Variants in SNX13 observed in about 807,000 individuals in gnomAD.
The protein encoded by SNX13 is sorting nexin-13.
SNX13 carries 45 observed loss-of-function variants against 133.6 expected under a neutral mutation model. That is an observed-to-expected ratio of 0.34 (90% confidence interval 0.27 to 0.43). The LOEUF (loss-of-function observed/expected upper bound fraction) is 0.43, where lower values mean the gene tolerates loss of function less well. Among genes scored for constraint, SNX13 ranks in the 20% least tolerant of loss-of-function variants. SNX13 has a pLI of 1.00. For missense variants in SNX13, 1,032 were observed against 1,145.1 expected, an observed-to-expected ratio of 0.90 and a Z score of 1.43; for synonymous variants, 414 against 373.9, an observed-to-expected ratio of 1.11 and a Z score of -1.24.
chr7:17,837,895 T>C (rs114215620), intron 13 of SNX13, among the ~76,000 whole-genome samples: 9 of 151,984 alleles, frequency 5.9e-5, no homozygotes, highest in African/African-American at 2.2e-4. Flanking sequence ...TTGCTCACTA[T>C]ATGAGTTTTT....
At chr7:17,878,652 GCAGT>G (rs1795003873) in intron 5 of SNX13, among the ~76,000 whole-genome samples, 1 of 152,006 alleles carries the variant, frequency 6.6e-6, no homozygotes, top group African/African-American at 2.4e-5. Flanking sequence ...TTTCCATAAA[GCAGT>G]CAAATTTTTA....
At chr7:17,845,126 G>A (rs963954719) in intron 12 of SNX13, among the ~76,000 whole-genome samples, 1 of 148,126 alleles carries the variant, frequency 6.8e-6, no homozygotes. Context: ...GAAGAGGTAA[G>A]GGGAGAAGCA....
At position 17,839,846 on chromosome 7, in the gene SNX13, T is replaced by A; in HGVS notation, c.1320A>T (p.Ala440=). 3.7e-6 allele frequency: 6 copies of A among 1,610,980 alleles called. No homozygotes were observed. Among genetic ancestry groups the A allele is most frequent in the Non-Finnish European group, 5.1e-6 (6 of 1,178,168 alleles). ...QTNQTKGLLR[A]AAVGIYEQYL... is the part of the protein sequence containing the mutation. ...ACTGTTCATAAATTCCAACAGCAGC[T>A]GCTCTTAAAAGACCTTTGGTTTGGT... The change falls in exon 13 of 26, where the codon GCA becomes GCT. Residue 440 remains alanine (A), a synonymous_variant. Coordinates refer to ENST00000428135, the MANE Select transcript of SNX13 (RefSeq NM_015132.5).
chr7:17,835,657 A>G (rs1789049903), intron 13 of SNX13, among the ~76,000 whole-genome samples: 1 of 152,012 alleles, frequency 6.6e-6, no homozygotes, highest in South Asian at 2.1e-4. Flanking sequence ...ATTTAGAGAA[A>G]CTAACAAAAA....
At position 17,940,402 on chromosome 7, in the gene SNX13, T is replaced by A. The variant is rs1456431280; in HGVS notation, c.-107A>T. ...GCCGCCAACGGCGGCAACTGCTCCT[T>A]CAGTCTTCTCCCGGGCGGCGGTTTT... is the stretch of plus-strand genomic sequence containing the variant. On this transcript the variant is annotated 5_prime_UTR_variant, in exon 1 of 26. An upstream open reading frame in the 5' UTR gains an earlier in-frame stop. Coordinates refer to ENST00000428135, the MANE Select transcript of SNX13 (RefSeq NM_015132.5). 2.3e-6 allele frequency: 3 copies of A among 1,302,790 alleles called. No homozygotes were observed. Among genetic ancestry groups the A allele is most frequent in the Non-Finnish European group, 3.2e-6 (3 of 925,112 alleles). The allele number at this position is 1,302,790 out of a possible 1,614,324, so 80.7% of individuals were successfully genotyped here.
intron 1 of SNX13, among the ~76,000 whole-genome samples, chr7:17,938,807 T>C (rs1252558204): frequency 6.6e-6 from 1 of 152,214 alleles, no homozygotes; most frequent in Non-Finnish European, 1.5e-5. Context: ...TATTACACAT[T>C]AGAGACAACA....
At chr7:17,867,246 TTAA>T (rs1413563653) in intron 9 of SNX13, among the ~76,000 whole-genome samples, 1 of 152,038 alleles carries the variant, frequency 6.6e-6, no homozygotes, top group Non-Finnish European at 1.5e-5. Context: ...AAGTACACAA[TTAA>T]TAACAACTTT....
chr7:17,796,521 A>C (rs1270400758), intron 25 of SNX13: 11 of 232,972 alleles, frequency 4.7e-5, no homozygotes, highest in African/African-American at 2.0e-4. Context: ...CTTTCACATC[A>C]CTTAAAGCCA....
At chr7:17,907,362 T>C (rs1485236500) in intron 1 of SNX13, 1 of 152,188 alleles carries the variant, frequency 6.6e-6, no homozygotes, top group East Asian at 1.9e-4. Context: ...CAGAAACAAG[T>C]ACATTTCAAT....
At chr7:17,921,480 T>C (rs1800125613) in intron 1 of SNX13, among the ~76,000 whole-genome samples, 1 of 152,182 alleles carries the variant, frequency 6.6e-6, no homozygotes, top group Non-Finnish European at 1.5e-5. Flanking sequence ...TTCACTATTT[T>C]TGCTTCAAGT....
intron 9 of SNX13, 46 bp from the exon 10 acceptor site, chr7:17,851,010 T>C (rs773439750): frequency 1.3e-6 from 2 of 1,552,922 alleles, no homozygotes; most frequent in South Asian, 1.2e-5. Flanking sequence ...AACTCACTTA[T>C]GAAAAGGAAA....
At chr7:17,905,012 A>G (rs796696666) in intron 1 of SNX13, among the ~76,000 whole-genome samples, 7 of 152,278 alleles carry the variant, frequency 4.6e-5, no homozygotes, top group African/African-American at 1.2e-4. Context: ...AAGGAGAGAA[A>G]AGGGGAGACC....
chr7:17,857,429 A>C (rs2128334210), intron 9 of SNX13, among the ~76,000 whole-genome samples: 1 of 152,312 alleles, frequency 6.6e-6, no homozygotes, highest in Non-Finnish European at 1.5e-5. Context: ...CAAGGACACA[A>C]CAAAAAAAGA....
At chr7:17,898,729 G>C (rs1463238095) in intron 1 of SNX13, 2 of 152,096 alleles carry the variant, frequency 1.3e-5, no homozygotes, top group East Asian at 3.8e-4. Flanking sequence ...TAAATGATTA[G>C]ATGACAAATA....
chr7:17,859,441 G>C (rs1381443858), intron 9 of SNX13, among the ~76,000 whole-genome samples: 2 of 152,078 alleles, frequency 1.3e-5, no homozygotes, highest in East Asian at 1.9e-4. Context: ...AATGTGGAAA[G>C]ACCAGAACTG....
At chr7:17,916,514 C>T (rs1799578415) in intron 1 of SNX13, among the ~76,000 whole-genome samples, 2 of 151,990 alleles carry the variant, frequency 1.3e-5, no homozygotes, top group South Asian at 4.1e-4. Flanking sequence ...GATCCTCAGA[C>T]TACTATAAAC....
At chr7:17,929,114 C>T (rs1034595682) in intron 1 of SNX13, among the ~76,000 whole-genome samples, 1 of 151,430 alleles carries the variant, frequency 6.6e-6, no homozygotes, top group Non-Finnish European at 1.5e-5. Context: ...AACTTGCAGG[C>T]CTGTAGACAC....
chr7:17,833,730 T>C (rs2128311249), intron 15 of SNX13, among the ~76,000 whole-genome samples: 1 of 151,830 alleles, frequency 6.6e-6, no homozygotes, highest in South Asian at 2.1e-4. Context: ...TTCTCAATAA[T>C]TCTATTGTTA....
chr7:17,810,824 C>G (rs1016962016), intron 20 of SNX13, among the ~76,000 whole-genome samples: 1 of 152,178 alleles, frequency 6.6e-6, no homozygotes, highest in African/African-American at 2.4e-5. Flanking sequence ...TTGGCTTCAT[C>G]CCTGGGATGC....
Sources: gnomAD v4.1 joint callset for allele counts (sites outside exome capture counted in the v4.1 genomes callset) on GRCh38, gnomAD v4.1.1 for gene constraint, MANE v1.5 for transcripts, NCBI Gene and HGNC (gene_info 2026-07-23, HGNC 2026-07-21) for gene names.